MGARP: variants seen among roughly 807,000 people sequenced by gnomAD.
MGARP encodes protein MGARP.
Under a neutral mutation model 11.0 loss-of-function variants are expected in MGARP, and 12 were observed. The observed-to-expected ratio is 1.09, with a 90% confidence interval of 0.70 to 1.77. The LOEUF is 1.77. Among genes scored for constraint, MGARP ranks in the 40% most tolerant of loss-of-function variants. The probability of loss-of-function intolerance (pLI) is 0.00; values close to 1 mark genes in which losing one functional copy is unlikely to be tolerated. For missense variants in MGARP, 283 were observed against 297.8 expected, an observed-to-expected ratio of 0.95 and a Z score of 0.36; for synonymous variants, 110 against 115.4, an observed-to-expected ratio of 0.95 and a Z score of 0.30.
Position 139,266,560 on chromosome 4 carries a change from C to A in MGARP, c.*39G>T. Reference sequence around the variant, plus strand: ...AAACACAAAAGCACTTATCAGACACCCTATGGCATTTGTTGCTGAAATGTC... The same window carrying A: ...AAACACAAAAGCACTTATCAGACACACTATGGCATTTGTTGCTGAAATGTC... On this transcript the variant is annotated 3_prime_UTR_variant, in exon 4 of 4. Coordinates refer to ENST00000398955, the MANE Select transcript of MGARP (RefSeq NM_032623.4). The A allele has an allele frequency of 7.0e-6, 11 of 1,569,192 alleles. No individual in the cohort carries two copies. The highest frequency in any genetic ancestry group is 9.5e-6 in the Non-Finnish European group (11 of 1,152,310).
rs372702139 is a variant in MGARP at position 139,275,383 on chromosome 4, C to T, written c.92G>A (p.Arg31His). 3.0e-5 allele frequency: 49 copies of T among 1,612,364 alleles called. No individual in the cohort carries two copies. Among genetic ancestry groups the T allele is most frequent in the East Asian group, 8.9e-5 (4 of 44,876 alleles). Residue 31 changes from arginine (R) to histidine (H), a missense_variant, in exon 2 of 4, where the codon CGC (arginine) becomes CAC (histidine). Transcript: ENST00000398955. ...AGGGAATCTGTTAGATGACATCCGG[C>T]GCAGAGATGCTAGGAAAAAAATGTT... The part of the protein sequence containing the change: ...PAPLGKDASL[R>H]RMSSNRFPGS...
In MGARP at chr4:139,271,043, G is replaced by A. The variant is rs564599213; in HGVS notation, c.187-2278C>T. On this transcript the variant is annotated intron_variant, in intron 2 of 3. Transcript: ENST00000398955. ...ACTAGAATAATTCACCCTAATGTGT[G>A]GCCCAAAGAATCTAGGTTTTCCAAA... 7.9e-5 allele frequency among the ~76,000 whole-genome samples: 12 copies of A among 152,288 alleles called. No homozygotes were observed. In the South Asian group the frequency reaches 2.5e-3, roughly 32 times the overall value.
intron 1 of MGARP, among the ~76,000 whole-genome samples, chr4:139,277,931 A>G (rs1175053735): frequency 6.6e-6 from 1 of 152,190 alleles, no homozygotes; most frequent in Admixed American, 6.5e-5. Context: ...ATTCATTAAA[A>G]AGTTACCCTT....
intron 2 of MGARP, among the ~76,000 whole-genome samples, chr4:139,269,644 A>AG (rs1219524159): frequency 3.3e-5 from 5 of 151,514 alleles, no homozygotes; most frequent in Non-Finnish European, 7.4e-5. Context: ...AAAAAAAAAA[A>AG]AAAGAAAAAA....
chr4:139,275,538 G>A lies in MGARP; in HGVS notation c.83-146C>T, dbSNP rs1486993397. On this transcript the variant is annotated intron_variant, in intron 1 of 3. Transcript: ENST00000398955. ...TTAGCTTAAGGGAATACAGTATTAC[G>A]AGGCTGGGTAATAATTCCACTTGAC... 47 of 617,058 alleles carry A rather than the reference G, an allele frequency of 7.6e-5. No homozygotes were observed. In the East Asian group the frequency reaches 7.9e-4, roughly 10 times the overall value. The allele number at this position is 617,058 out of a possible 1,614,324, so 38.2% of individuals were successfully genotyped here. A position where few individuals can be genotyped will look rare whatever the true frequency, so the allele number is the denominator to read the frequency against.
In MGARP at chr4:139,266,725, G is replaced by A. The variant is rs200394077; in HGVS notation, c.597C>T (p.Asn199=). Residue 199 remains asparagine (N), a synonymous_variant, in exon 4 of 4, where the codon AAC becomes AAT. Coordinates refer to ENST00000398955, the MANE Select transcript of MGARP (RefSeq NM_032623.4). Reference sequence around the variant, plus strand: ...GTTCAGCATATTCATCAGAGGTTTCGTTCTTTGTTGTATCTTTATCATTAT... The same window carrying A: ...GTTCAGCATATTCATCAGAGGTTTCATTCTTTGTTGTATCTTTATCATTAT... ...TIDNDKDTTK[N]ETSDEYAELE... The A allele has an allele frequency of 6.2e-7, 1 of 1,613,956 alleles. No homozygotes were observed. The highest frequency in any genetic ancestry group is 8.5e-7 in the Non-Finnish European group (1 of 1,180,008).
intron 2 of MGARP, among the ~76,000 whole-genome samples, chr4:139,272,935 C>T (rs1292760231): frequency 6.6e-6 from 1 of 152,126 alleles, no homozygotes; most frequent in Non-Finnish European, 1.5e-5. Context: ...ATCCACCCAC[C>T]TTGGCCTCCC....
intron 1 of MGARP, among the ~76,000 whole-genome samples, chr4:139,277,255 G>A (rs1205217240): frequency 6.6e-6 from 1 of 152,186 alleles, no homozygotes; most frequent in East Asian, 1.9e-4. Flanking sequence ...GAATCTTAAG[G>A]CATGCTTACA....
rs751695236 is a variant in MGARP, at chr4:139,270,608, G to GAAAA, written c.187-1847_187-1844dup. ...TGGGCGACAGAGCGAGACCGCGTCT[G>GAAAA]AAAAAAAAAAAAAAAAAAAGAAAAG... is the stretch of plus-strand genomic sequence containing the variant. On this transcript the variant is annotated intron_variant, in intron 2 of 3. Transcript: ENST00000398955. Among the ~76,000 whole-genome samples the GAAAA allele has an allele frequency of 3.3e-3, 294 of 88,998 alleles. 3 individuals are homozygous for GAAAA. Among genetic ancestry groups the GAAAA allele is most frequent in the Middle Eastern group, 0.016 (2 of 128 alleles). 58.4% of individuals were successfully genotyped at this position (88,998 alleles called of 152,430 possible). A position where few individuals can be genotyped will look rare whatever the true frequency, so the allele number is the denominator to read the frequency against.
chr4:139,268,758 T>G lies in MGARP; in HGVS notation c.194A>C (p.Lys65Thr). The G allele has an allele frequency of 6.2e-7, 1 of 1,604,440 alleles. No homozygotes were observed. The highest frequency in any genetic ancestry group is 8.5e-7 in the Non-Finnish European group (1 of 1,176,766). ...TTTGGCTTGGTCTGATGTGACTGTC[T>G]TGTAAGCCTGAAAGTAAATGTATGC... ...TVSAGGYYAY[K>T]TVTSDQAKHT... Residue 65 changes from lysine to threonine, a missense_variant, in exon 3 of 4, where the codon AAG becomes ACG. Coordinates refer to ENST00000398955, the MANE Select transcript of MGARP (RefSeq NM_032623.4).
chr4:139,272,072 T>C (rs1471629349), intron 2 of MGARP, among the ~76,000 whole-genome samples: 1 of 151,560 alleles, frequency 6.6e-6, no homozygotes, highest in East Asian at 1.9e-4. Context: ...TTTTTTTTGG[T>C]GGCCTACACC....
intron 1 of MGARP, 83 bp downstream of exon 1, chr4:139,279,994 G>A (rs559433231): frequency 6.8e-7 from 1 of 1,468,144 alleles, no homozygotes; most frequent in African/African-American, 1.4e-5. Flanking sequence ...TTGGCCAACT[G>A]GGTGCCGGCC....
rs2110728929 is a variant in MGARP at position 139,266,372 on chromosome 4, A to G, written c.*227T>C. 1 of 464,052 alleles carries G rather than the reference A, an allele frequency of 2.2e-6. No homozygotes were observed. Among genetic ancestry groups the G allele is most frequent in the East Asian group, 3.4e-5 (1 of 29,522 alleles). 28.7% of individuals were successfully genotyped at this position (464,052 alleles called of 1,614,324 possible). ...AAAGATGAAACTATTTAAGCTCTTT[A>G]CTGCAATGTCATATTCTGATCTCAG... On this transcript the variant is annotated 3_prime_UTR_variant, in exon 4 of 4. Coordinates refer to ENST00000398955, the MANE Select transcript of MGARP (RefSeq NM_032623.4).
At chr4:139,268,837 T>C in intron 2 of MGARP, 72 bp from the exon 3 acceptor site, 1 of 1,133,830 alleles carries the variant, frequency 8.8e-7, no homozygotes, top group Non-Finnish European at 1.3e-6. Context: ...AAAGGTACAC[T>C]CAAGTCTCCC....
chr4:139,273,432 A>C (rs1039460094), intron 2 of MGARP, among the ~76,000 whole-genome samples: 6 of 151,728 alleles, frequency 4.0e-5, no homozygotes, highest in Non-Finnish European at 7.4e-5. Flanking sequence ...TGTGTTCCCC[A>C]GACTGGTCTC....
chr4:139,273,542 T>C (rs2110732199), intron 2 of MGARP, among the ~76,000 whole-genome samples: 1 of 135,450 alleles, frequency 7.4e-6, no homozygotes, highest in East Asian at 2.2e-4. Flanking sequence ...TGAGACAGAG[T>C]CTGGCTCTCT....
At chr4:139,275,539 A>G (rs945865827) in intron 1 of MGARP, 147 bp from the exon 2 acceptor site, 6 of 615,728 alleles carry the variant, frequency 9.7e-6, no homozygotes, top group Admixed American at 3.1e-5. Context: ...CAGTATTACG[A>G]GGCTGGGTAA....
At chr4:139,277,491 A>G (rs1314342350) in intron 1 of MGARP, among the ~76,000 whole-genome samples, 2 of 152,194 alleles carry the variant, frequency 1.3e-5, no homozygotes, top group African/African-American at 4.8e-5. Context: ...CAAAAATATC[A>G]GAAATATTTT....
At chr4:139,278,810 T>C (rs933016577) in intron 1 of MGARP, among the ~76,000 whole-genome samples, 2 of 152,096 alleles carry the variant, frequency 1.3e-5, no homozygotes, top group African/African-American at 4.8e-5. Context: ...TCTAGAAAAA[T>C]AAAGGCAATA....
Sources: gnomAD v4.1 joint callset for allele counts (sites outside exome capture counted in the v4.1 genomes callset) on GRCh38, gnomAD v4.1.1 for gene constraint, MANE v1.5 for transcripts, NCBI Gene and HGNC (gene_info 2026-07-23, HGNC 2026-07-21) for gene names.